Variants in PLXDC2 observed in about 807,000 individuals in gnomAD.
The protein encoded by PLXDC2 is plexin domain-containing protein 2.
Under a neutral mutation model 68.9 loss-of-function variants are expected in PLXDC2, and 40 were observed. The ratio of observed to expected loss-of-function variants is 0.58; its 90% confidence interval spans 0.45 to 0.76. The LOEUF is 0.76. Ranked by LOEUF, PLXDC2 falls within the 30% of genes least tolerant of loss-of-function variation. The pLI, the probability that PLXDC2 is intolerant of heterozygous loss-of-function variation, is 0.00. For synonymous variants in PLXDC2, 243 were observed against 234.2 expected, an observed-to-expected ratio of 1.04 and a Z score of -0.34; for missense variants, 644 against 661.9, an observed-to-expected ratio of 0.97 and a Z score of 0.30.
At chr10:20,012,810 G>A (rs1427686789) in intron 2 of PLXDC2, among the ~76,000 whole-genome samples, 4 of 152,116 alleles carry the variant, frequency 2.6e-5, no homozygotes, top group East Asian at 1.9e-4. Flanking sequence ...TTCTTTTTGT[G>A]TTTCCCTGAA....
intron 5 of PLXDC2, among the ~76,000 whole-genome samples, chr10:20,146,984 A>G (rs1192131448): frequency 6.6e-6 from 1 of 152,186 alleles, no homozygotes; most frequent in African/African-American, 2.4e-5. Context: ...AGTGAAGAAA[A>G]AGTCTTAGCA....
chr10:20,055,423 C>T (rs60196313), intron 3 of PLXDC2, among the ~76,000 whole-genome samples: 2 of 151,728 alleles, frequency 1.3e-5, no homozygotes, highest in African/African-American at 2.4e-5. Flanking sequence ...TTTTTCTTTG[C>T]GTCCAAAAAT....
intron 12 of PLXDC2, among the ~76,000 whole-genome samples, chr10:20,243,819 G>A (rs1835551918): frequency 6.6e-6 from 1 of 152,202 alleles, no homozygotes; most frequent in South Asian, 2.1e-4. Context: ...AGTACTTTGG[G>A]AGGCCGAGGT....
chr10:19,868,536 T>C (rs1037993094), intron 1 of PLXDC2, among the ~76,000 whole-genome samples: 1 of 152,108 alleles, frequency 6.6e-6, no homozygotes, highest in Non-Finnish European at 1.5e-5. Context: ...ATTTTCTGAC[T>C]CTATAAAATT....
At chr10:19,913,579 CTT>C in intron 1 of PLXDC2, among the ~76,000 whole-genome samples, 1 of 152,218 alleles carries the variant, frequency 6.6e-6, no homozygotes, top group Admixed American at 6.6e-5. Context: ...CATTTGGTAA[CTT>C]AAGTCGTTTC....
intron 1 of PLXDC2, among the ~76,000 whole-genome samples, chr10:19,830,414 A>G (rs1309175032): frequency 6.6e-6 from 1 of 152,182 alleles, no homozygotes; most frequent in African/African-American, 2.4e-5. Context: ...TTATACTCAG[A>G]GCACATTTTT....
rs117655978 is a variant in PLXDC2 at position 20,011,167 on chromosome 10, A to G, written c.324+9181A>G. Among the ~76,000 whole-genome samples, 874 of 152,262 alleles carry G rather than the reference A, an allele frequency of 5.7e-3. 3 individuals carry two copies. The highest frequency in any genetic ancestry group is 7.5e-3 in the Non-Finnish European group (507 of 68,026). Reference sequence around the variant, plus strand: ...GTAGTTCAGAATATGTCCATTCTTTATATGTTGAACGAAGGGCTCAGGATG... The same window carrying G: ...GTAGTTCAGAATATGTCCATTCTTTGTATGTTGAACGAAGGGCTCAGGATG... On this transcript the variant is annotated intron_variant, in intron 2 of 13. Coordinates refer to ENST00000377252, the MANE Select transcript of PLXDC2 (RefSeq NM_032812.9).
chr10:20,010,252 A>G (rs183274793), intron 2 of PLXDC2, among the ~76,000 whole-genome samples: 1 of 152,266 alleles, frequency 6.6e-6, no homozygotes, highest in Admixed American at 6.5e-5. Flanking sequence ...CGACAGCAAA[A>G]TCTATTTCAG....
intron 4 of PLXDC2, among the ~76,000 whole-genome samples, chr10:20,135,744 C>CT (rs1175800957): frequency 6.6e-6 from 1 of 152,060 alleles, no homozygotes; most frequent in Non-Finnish European, 1.5e-5. Flanking sequence ...TCACTTGTTG[C>CT]TTTTTTCCCC....
At chr10:20,137,716 T>C (rs1833951977) in intron 4 of PLXDC2, among the ~76,000 whole-genome samples, 1 of 152,238 alleles carries the variant, frequency 6.6e-6, no homozygotes, top group Non-Finnish European at 1.5e-5. Flanking sequence ...AACATCATTC[T>C]TCAATGTTGA....
intron 13 of PLXDC2, among the ~76,000 whole-genome samples, chr10:20,272,001 G>A (rs190708712): frequency 4.5e-4 from 68 of 151,884 alleles, no homozygotes; most frequent in Non-Finnish European, 7.5e-4. Context: ...TAATTTTATC[G>A]GATGACTGAA....
At chr10:20,108,641 A>C (rs1833521066) in intron 4 of PLXDC2, among the ~76,000 whole-genome samples, 1 of 152,146 alleles carries the variant, frequency 6.6e-6, no homozygotes, top group Non-Finnish European at 1.5e-5. Context: ...AGGGGTGGAT[A>C]TAGGTTATTA....
intron 1 of PLXDC2, among the ~76,000 whole-genome samples, chr10:19,904,961 C>T (rs1833124480): frequency 6.6e-6 from 1 of 152,222 alleles, no homozygotes; most frequent in South Asian, 2.1e-4. Context: ...GGAACACCCT[C>T]CCTCCACAAT....
chr10:19,956,154 A>G (rs1834065485), intron 1 of PLXDC2, among the ~76,000 whole-genome samples: 1 of 152,152 alleles, frequency 6.6e-6, no homozygotes, highest in Non-Finnish European at 1.5e-5. Context: ...AATTCTTGAA[A>G]CTATAAATAC....
At position 20,238,696 on chromosome 10, in the gene PLXDC2, C is replaced by CACACATATATGTGTATATATAT. The variant is rs1554777591; in HGVS notation, c.1313-6646_1313-6645insCATATATGTGTATATATATACA. The stretch of plus-strand genomic sequence containing the variant: ...ATATATGTATATATATATATATACA[C>CACACATATATGTGTATATATAT]ACATATATATGTGTATATATACACA... On this transcript the variant is annotated intron_variant, in intron 12 of 13. Transcript: ENST00000377252. Among the ~76,000 whole-genome samples the CACACATATATGTGTATATATAT allele has an allele frequency of 4.1e-3, 465 of 113,066 alleles. 5 individuals carry two copies. The highest frequency in any genetic ancestry group is 9.8e-3 in the African/African-American group (282 of 28,746). The allele number at this position is 113,066 out of a possible 152,430, so 74.2% of individuals were successfully genotyped here. A position where few individuals can be genotyped will look rare whatever the true frequency, so the allele number is the denominator to read the frequency against.
At chr10:20,060,011 C>A (rs1267617090) in intron 3 of PLXDC2, among the ~76,000 whole-genome samples, 3 of 151,974 alleles carry the variant, frequency 2.0e-5, no homozygotes, top group African/African-American at 7.2e-5. Flanking sequence ...TTCTGTCAAC[C>A]ACTTTTTAGT....
At chr10:20,134,007 A>C (rs537587465) in intron 4 of PLXDC2, among the ~76,000 whole-genome samples, 1 of 151,972 alleles carries the variant, frequency 6.6e-6, no homozygotes, top group African/African-American at 2.4e-5. Flanking sequence ...TCTCTATGGA[A>C]TTTTTCAGTT....
chr10:19,827,718 C>A (rs1173618379), intron 1 of PLXDC2, among the ~76,000 whole-genome samples: 1 of 151,968 alleles, frequency 6.6e-6, no homozygotes, highest in East Asian at 1.9e-4. Context: ...GCCACCACAC[C>A]CGGCTAATTT....
At chr10:19,980,706 C>T (rs984838865) in intron 1 of PLXDC2, among the ~76,000 whole-genome samples, 9 of 152,248 alleles carry the variant, frequency 5.9e-5, no homozygotes, top group South Asian at 2.1e-4. Context: ...AGAACACGTG[C>T]GATCTGGTAT....
Sources: allele counts gnomAD v4.1 joint callset (sites outside exome capture counted in the v4.1 genomes callset), GRCh38; gene constraint gnomAD v4.1.1; transcripts MANE v1.5; gene names NCBI Gene and HGNC (gene_info 2026-07-23, HGNC 2026-07-21).